NEBL: variants seen among roughly 807,000 people sequenced by gnomAD.
NEBL encodes the protein nebulette, also known as LIM and SH3 protein 2.
Under a neutral mutation model 140.2 loss-of-function variants are expected in NEBL, and 122 were observed. The observed-to-expected ratio is 0.87, with a 90% CI of 0.75 to 1.01. The LOEUF (loss-of-function observed/expected upper bound fraction) is 1.01, where lower values mean the gene tolerates loss of function less well. Ranked by LOEUF, NEBL falls within the 50% of genes least tolerant of loss-of-function variation. The pLI is 0.00. For synonymous variants in NEBL, 436 were observed against 398.9 expected (o/e 1.09, Z -1.11); for missense variants, 1,365 against 1,231.3 (o/e 1.11, Z -1.62).
At chr10:21,074,008 G>A (rs1189577579) in intron 2 of NEBL, among the ~76,000 whole-genome samples, 1 of 152,134 alleles carries the variant, frequency 6.6e-6, no homozygotes, top group African/African-American at 2.4e-5. Context: ...CCGGGAGGTG[G>A]AGGTTGCAGT....
intron 26 of NEBL, among the ~76,000 whole-genome samples, chr10:20,806,864 G>A (rs150025642): frequency 6.6e-6 from 1 of 152,222 alleles, no homozygotes; most frequent in Non-Finnish European, 1.5e-5. Flanking sequence ...CTTTGGGAGA[G>A]ACATCAATTC....
At chr10:21,155,853 T>G (rs941360128) in intron 2 of NEBL, among the ~76,000 whole-genome samples, 3 of 152,140 alleles carry the variant, frequency 2.0e-5, no homozygotes, top group African/African-American at 7.2e-5. Context: ...TTATCCATTT[T>G]CTCTTTTCCT....
chr10:20,831,100 A>G, intron 16 of NEBL, 96 bp downstream of exon 16: 1 of 902,754 alleles, frequency 1.1e-6, no homozygotes, highest in Admixed American at 1.8e-5. Context: ...TCTGAATGCA[A>G]TGCCCTCAGA....
chr10:21,122,942 G>A (rs1838646897), intron 2 of NEBL, among the ~76,000 whole-genome samples: 1 of 152,058 alleles, frequency 6.6e-6, no homozygotes, highest in Non-Finnish European at 1.5e-5. Context: ...AAGAATCAGG[G>A]GTCCCACATA....
intron 2 of NEBL, among the ~76,000 whole-genome samples, chr10:21,124,515 A>G (rs1010239707): frequency 3.9e-5 from 6 of 152,144 alleles, no homozygotes; most frequent in Non-Finnish European, 7.3e-5. Flanking sequence ...GAAACCAACC[A>G]CTTCAGGCTC....
In NEBL at chr10:20,830,871, T is replaced by C. The variant is rs1250440625; in HGVS notation, c.1671+325A>G. ...GCAAGCTATGATGGTGCCACTGCAT[T>C]CCAGCCTGGGTGAAAGAGTGAGACC... On this transcript the variant is annotated intron_variant, in intron 16 of 27. Transcript: ENST00000377122. 2.1e-5 allele frequency among the ~76,000 whole-genome samples: 3 copies of C among 141,356 alleles called. No individual in the cohort carries two copies. In the East Asian group the frequency reaches 6.3e-4, roughly 30 times the overall value. The allele number at this position is 141,356 out of a possible 152,430, so 92.7% of individuals were successfully genotyped here. A position where few individuals can be genotyped will look rare whatever the true frequency, so the allele number is the denominator to read the frequency against.
chr10:20,792,816 A>C (rs897510996), intron 26 of NEBL, among the ~76,000 whole-genome samples: 1 of 151,980 alleles, frequency 6.6e-6, no homozygotes, highest in Admixed American at 6.6e-5. Flanking sequence ...AAAAAAAAAA[A>C]ACAAAACTCC....
intron 4 of NEBL, among the ~76,000 whole-genome samples, chr10:20,920,723 T>C (rs544006331): frequency 3.3e-5 from 5 of 152,248 alleles, no homozygotes; most frequent in African/African-American, 7.2e-5. Context: ...TTAATAAACA[T>C]CAGTTTGGAA....
chr10:21,029,086 G>A (rs1437914555), intron 2 of NEBL: 2 of 1,172,370 alleles, frequency 1.7e-6, no homozygotes, highest in African/African-American at 3.0e-5. Context: ...GACTGGTGGA[G>A]GAAGCACCTA....
chr10:21,174,502 G>C (rs1462981052), upstream of NEBL: 1 of 152,580 alleles, frequency 6.6e-6, no homozygotes, highest in Non-Finnish European at 1.5e-5. Context: ...CCTCATCCCA[G>C]GCTGACTGAC....
In NEBL at chr10:21,187,663, A is replaced by G. The variant is rs146678429; in HGVS notation, n.349-15186T>C. On this transcript the variant is annotated intron_variant and non_coding_transcript_variant, in intron 3 of 8. Coordinates refer to the NEBL transcript ENST00000675702. ...TGAGTAGCTGGGACTACAGGTGTGC[A>G]CCACCATGCCCTGCTAATGTTTGTA... 1.6e-3 allele frequency among the ~76,000 whole-genome samples: 238 copies of G among 152,022 alleles called. 4 individuals carry two copies. The highest frequency in any genetic ancestry group is 5.4e-3 in the African/African-American group (223 of 41,474).
At chr10:20,856,787 G>T (rs1304473136) in intron 9 of NEBL, among the ~76,000 whole-genome samples, 1 of 151,724 alleles carries the variant, frequency 6.6e-6, no homozygotes, top group Admixed American at 6.6e-5. Context: ...TTCATCCAAG[G>T]ACCAATGATT....
At chr10:21,271,806 G>C (rs1172058293) in intron 1 of NEBL, among the ~76,000 whole-genome samples, 1 of 152,062 alleles carries the variant, frequency 6.6e-6, no homozygotes, top group South Asian at 2.1e-4. Context: ...GATTACAGGC[G>C]TGAGCCACTG....
chr10:20,896,023 C>T (rs1295245991), intron 2 of NEBL, among the ~76,000 whole-genome samples: 12 of 152,162 alleles, frequency 7.9e-5, no homozygotes, highest in Admixed American at 6.5e-4. Context: ...GAGGATGTGC[C>T]AGACCACTAC....
At chr10:21,030,350 G>C in intron 2 of NEBL, 1 of 621,632 alleles carries the variant, frequency 1.6e-6, no homozygotes, top group East Asian at 4.3e-5. Context: ...CGCCACACCC[G>C]GCAAAAGTCA....
intron 1 of NEBL, among the ~76,000 whole-genome samples, chr10:21,282,867 G>A (rs1285516587): frequency 6.6e-6 from 1 of 152,196 alleles, no homozygotes; most frequent in Non-Finnish European, 1.5e-5. Context: ...GCTCACGCCT[G>A]TAATCCCAGC....
chr10:21,047,792 T>C (rs967731228), intron 2 of NEBL, among the ~76,000 whole-genome samples: 4 of 152,170 alleles, frequency 2.6e-5, no homozygotes, highest in African/African-American at 9.7e-5. Flanking sequence ...AGGTTCCCTT[T>C]CCTCAGACTG....
At chr10:21,253,256 A>C (rs1486723198) in intron 1 of NEBL, among the ~76,000 whole-genome samples, 2 of 152,204 alleles carry the variant, frequency 1.3e-5, no homozygotes, top group Non-Finnish European at 2.9e-5. Flanking sequence ...GGGCGACAAG[A>C]ATGAAACTCT....
intron 2 of NEBL, among the ~76,000 whole-genome samples, chr10:21,026,648 C>A (rs1289952578): frequency 1.3e-5 from 2 of 152,178 alleles, no homozygotes; most frequent in Non-Finnish European, 2.9e-5. Flanking sequence ...ACTAGAGGAT[C>A]TGAGAGCAGA....
Sources: allele counts gnomAD v4.1 joint callset (sites outside exome capture counted in the v4.1 genomes callset), GRCh38; gene constraint gnomAD v4.1.1; transcripts MANE v1.5; gene names NCBI Gene and HGNC (gene_info 2026-07-23, HGNC 2026-07-21).